Variants in CLDN10 observed in about 807,000 individuals in gnomAD.
CLDN10 encodes the protein claudin-10.
Under a neutral mutation model 22.9 loss-of-function variants are expected in CLDN10, and 15 were observed. The observed-to-expected ratio is 0.65, with a 90% CI of 0.44 to 1.01. The LOEUF (loss-of-function observed/expected upper bound fraction) is 1.01, where lower values mean the gene tolerates loss of function less well. Ranked by LOEUF, CLDN10 falls within the 50% of genes least tolerant of loss-of-function variation. The pLI is 0.00. For missense variants in CLDN10, 247 were observed against 287.8 expected, an observed-to-expected ratio of 0.86 and a Z score of 1.03; for synonymous variants, 114 against 111.4, an observed-to-expected ratio of 1.02 and a Z score of -0.15.
At chr13:95,483,096 G>A (rs898630256) in intron 1 of CLDN10, among the ~76,000 whole-genome samples, 7 of 152,258 alleles carry the variant, frequency 4.6e-5, no homozygotes, top group Admixed American at 2.6e-4. Flanking sequence ...GACGCTGCCC[G>A]TCCTCAGGCC....
intron 1 of CLDN10, among the ~76,000 whole-genome samples, chr13:95,449,035 C>T (rs2042408372): frequency 6.6e-6 from 1 of 151,976 alleles, no homozygotes; most frequent in East Asian, 2.0e-4. Flanking sequence ...CACCGTGCCC[C>T]GTTCCACTAA....
At chr13:95,562,217 C>T (rs2043723122) in intron 3 of CLDN10, among the ~76,000 whole-genome samples, 2 of 152,136 alleles carry the variant, frequency 1.3e-5, no homozygotes, top group South Asian at 4.1e-4. Flanking sequence ...CAGGTGTGAG[C>T]CACTGCGCCC....
chr13:95,573,422 ACT>A (rs1476429126), intron 3 of CLDN10, among the ~76,000 whole-genome samples: 38 of 152,238 alleles, frequency 2.5e-4, no homozygotes, highest in African/African-American at 9.2e-4. Flanking sequence ...AAGAGGGCAC[ACT>A]CTGAGCAGGA....
intron 1 of CLDN10, among the ~76,000 whole-genome samples, chr13:95,527,126 G>A (rs534731128): frequency 6.6e-6 from 1 of 152,260 alleles, no homozygotes; most frequent in African/African-American, 2.4e-5. Context: ...CCAGGGGCCT[G>A]CTAATTGTGG....
At chr13:95,490,677 T>TGG (rs201739462) in intron 1 of CLDN10, among the ~76,000 whole-genome samples, 2,309 of 152,316 alleles carry the variant, frequency 0.015, 56 homozygotes, top group African/African-American at 0.052. Flanking sequence ...GCTCATTTTG[T>TGG]GGCCTATCAC....
chr13:95,438,834 C>G (rs943545244), intron 1 of CLDN10, among the ~76,000 whole-genome samples: 3 of 152,000 alleles, frequency 2.0e-5, no homozygotes, highest in Admixed American at 6.6e-5. Flanking sequence ...CAAAAATTAG[C>G]CAGGCGTGGT....
intron 1 of CLDN10, among the ~76,000 whole-genome samples, chr13:95,503,721 A>G (rs1397068263): frequency 2.0e-5 from 3 of 152,248 alleles, no homozygotes; most frequent in Non-Finnish European, 4.4e-5. Context: ...ATGTAATACT[A>G]AATGAAATAA....
chr13:95,574,117 T>C (rs1218384087), intron 3 of CLDN10, among the ~76,000 whole-genome samples: 2 of 152,194 alleles, frequency 1.3e-5, no homozygotes, highest in Non-Finnish European at 2.9e-5. Flanking sequence ...ATCCAGTCCA[T>C]CATTGATGGA....
At chr13:95,552,698 CG>C, upstream of CLDN10, 1 of 1,535,430 alleles carries the variant, frequency 6.5e-7, no homozygotes. Context: ...GTTGGGAGTG[CG>C]GGGGTCGCGG....
At chr13:95,495,743 C>CAAAAAAAAAAAA (rs71722865) in intron 1 of CLDN10, among the ~76,000 whole-genome samples, 19 of 85,630 alleles carry the variant, frequency 2.2e-4, no homozygotes, top group South Asian at 4.5e-4. Flanking sequence ...GACTCCACCT[C>CAAAAAAAAAAAA]AAAAAAAAAA....
chr13:95,492,582 G>C (rs567426970), intron 1 of CLDN10, among the ~76,000 whole-genome samples: 2 of 152,190 alleles, frequency 1.3e-5, no homozygotes, highest in East Asian at 3.9e-4. Flanking sequence ...CTTGCCCAAG[G>C]CTTTTTCCCT....
chr13:95,457,922 T>C (rs1029136292), intron 1 of CLDN10, among the ~76,000 whole-genome samples: 2 of 152,198 alleles, frequency 1.3e-5, no homozygotes, highest in Admixed American at 6.5e-5. Context: ...CAGATCCTCA[T>C]GGTCAACAAC....
At chr13:95,505,511 C>T (rs2043028672) in intron 1 of CLDN10, among the ~76,000 whole-genome samples, 1 of 152,184 alleles carries the variant, frequency 6.6e-6, no homozygotes, top group African/African-American at 2.4e-5. Context: ...GGTTTCAGCC[C>T]AGGCCAAGTC....
At chr13:95,490,631 T>C (rs567571728) in intron 1 of CLDN10, among the ~76,000 whole-genome samples, 1 of 152,228 alleles carries the variant, frequency 6.6e-6, no homozygotes, top group South Asian at 2.1e-4. Flanking sequence ...CCTGACAGAG[T>C]GCTTGATATA....
intron 3 of CLDN10, among the ~76,000 whole-genome samples, chr13:95,568,997 G>A (rs1421047854): frequency 1.3e-5 from 2 of 152,156 alleles, no homozygotes; most frequent in African/African-American, 4.8e-5. Context: ...TCCGTAGAAT[G>A]AGGATAATAC....
intron 1 of CLDN10, among the ~76,000 whole-genome samples, chr13:95,476,490 G>A (rs1431289330): frequency 6.6e-6 from 1 of 152,174 alleles, no homozygotes; most frequent in Non-Finnish European, 1.5e-5. Flanking sequence ...CCACCCTCAA[G>A]ATCTAATCAC....
At chr13:95,468,505 T>C (rs1297542163) in intron 1 of CLDN10, among the ~76,000 whole-genome samples, 2 of 152,152 alleles carry the variant, frequency 1.3e-5, no homozygotes, top group Non-Finnish European at 2.9e-5. Context: ...GTGGGCAGAT[T>C]GCTTGAGGTC....
At chr13:95,449,046 G>A (rs1372538404) in intron 1 of CLDN10, among the ~76,000 whole-genome samples, 1 of 151,836 alleles carries the variant, frequency 6.6e-6, no homozygotes. Flanking sequence ...GTTCCACTAA[G>A]CCATACTCTA....
chr13:95,500,413 C>A (rs1376647286), intron 1 of CLDN10, among the ~76,000 whole-genome samples: 1 of 152,158 alleles, frequency 6.6e-6, no homozygotes, highest in East Asian at 1.9e-4. Flanking sequence ...GTGCGCCTGG[C>A]AGAGGGAACA....
Sources: allele counts gnomAD v4.1 joint callset (sites outside exome capture counted in the v4.1 genomes callset), GRCh38; gene constraint gnomAD v4.1.1; transcripts MANE v1.5; gene names NCBI Gene and HGNC (gene_info 2026-07-23, HGNC 2026-07-21).